CPQ: variants seen among roughly 807,000 people sequenced by gnomAD.
The protein encoded by CPQ is carboxypeptidase Q.
In CPQ, 37 loss-of-function variants were observed where a neutral mutation model predicts 45.7. That is an observed-to-expected ratio of 0.81 (90% CI 0.62 to 1.07). The LOEUF (loss-of-function observed/expected upper bound fraction) is 1.07. Ranked by LOEUF, CPQ falls within the 50% of genes least tolerant of loss-of-function variation. The pLI is 0.00. For synonymous variants in CPQ, 186 were observed against 205.8 expected (o/e 0.90, Z 0.82); for missense variants, 537 against 572.9 (o/e 0.94, Z 0.64).
intron 7 of CPQ, among the ~76,000 whole-genome samples, chr8:97,123,257 A>AAAATAAAATAAAATAAAATAAAATAAAAT (rs1811788880): frequency 6.8e-6 from 1 of 146,340 alleles, no homozygotes; most frequent in African/African-American, 2.5e-5. Context: ...AAATAAAAAT[A>AAAATAAAATAAAATAAAATAAAATAAAAT]AAATAAAATA....
At chr8:97,141,157 A>T (rs1235258239) in intron 7 of CPQ, among the ~76,000 whole-genome samples, 1 of 152,136 alleles carries the variant, frequency 6.6e-6, no homozygotes, top group Non-Finnish European at 1.5e-5. Flanking sequence ...AGACATAAAC[A>T]GTATGGATCT....
At chr8:96,688,025 C>T (rs893578577) in intron 1 of CPQ, among the ~76,000 whole-genome samples, 1 of 151,772 alleles carries the variant, frequency 6.6e-6, no homozygotes, top group Admixed American at 6.6e-5. Flanking sequence ...TCTGTCATGT[C>T]CTGAGAGAAA....
intron 4 of CPQ, among the ~76,000 whole-genome samples, chr8:96,884,988 T>C (rs564235687): frequency 8.5e-5 from 13 of 152,152 alleles, no homozygotes; most frequent in Non-Finnish European, 1.8e-4. Context: ...GCAAATATCT[T>C]TGGAGACTTG....
chr8:96,766,999 A>T lies in CPQ; in HGVS notation c.-34-17865A>T, dbSNP rs138027987. 4.8e-3 allele frequency among the ~76,000 whole-genome samples: 730 copies of T among 152,092 alleles called. 11 individuals are homozygous for T. The highest frequency in any genetic ancestry group is 0.012 in the African/African-American group (516 of 41,480). On this transcript the variant is annotated intron_variant, in intron 1 of 7. Coordinates refer to ENST00000220763, the MANE Select transcript of CPQ (RefSeq NM_016134.4). ...GTTGCAAATCCACCTAACCGTCAGA[A>T]TTTTTTCCTGCACAGCTGTCACAAC...
chr8:97,068,630 T>C (rs937350216), intron 7 of CPQ, among the ~76,000 whole-genome samples: 9 of 152,138 alleles, frequency 5.9e-5, no homozygotes, highest in African/African-American at 1.9e-4. Flanking sequence ...TGAAACTCCA[T>C]CTGAAAACAA....
intron 2 of CPQ, among the ~76,000 whole-genome samples, chr8:96,824,587 A>G (rs1029712787): frequency 2.0e-5 from 3 of 152,060 alleles, no homozygotes; most frequent in African/African-American, 7.2e-5. Context: ...AATTGTATAG[A>G]TAGAATAGTG....
Position 96,663,602 on chromosome 8 carries a change from G to A in CPQ, c.-35+18200G>A, listed in dbSNP as rs566315543. On this transcript the variant is annotated intron_variant, in intron 1 of 7. Transcript: ENST00000220763. The stretch of plus-strand genomic sequence containing the variant: ...GAAAATCTTTAGTTTCTTTTGCACA[G>A]TTGTAAACCGTTTGTGCTTAAAAAA... Among the ~76,000 whole-genome samples the A allele has an allele frequency of 2.0e-5, 3 of 152,338 alleles. No homozygotes were observed. The East Asian group carries it at 5.8e-4, about 29-fold the overall frequency.
intron 4 of CPQ, among the ~76,000 whole-genome samples, chr8:96,891,424 A>C (rs1812374762): frequency 6.6e-6 from 1 of 152,220 alleles, no homozygotes; most frequent in Non-Finnish European, 1.5e-5. Flanking sequence ...GGCACTCAGC[A>C]GTGGCTGTAG....
At chr8:96,652,991 G>T (rs1473002988) in intron 1 of CPQ, among the ~76,000 whole-genome samples, 1 of 152,168 alleles carries the variant, frequency 6.6e-6, no homozygotes, top group East Asian at 1.9e-4. Context: ...GAGTACAGGG[G>T]CGTGATCTTG....
At chr8:96,989,509 A>AGGAGC (rs1809053722) in intron 5 of CPQ, among the ~76,000 whole-genome samples, 2 of 146,794 alleles carry the variant, frequency 1.4e-5, no homozygotes, top group African/African-American at 5.1e-5. Flanking sequence ...AGGAGAGGAG[A>AGGAGC]GGAGCGGAGA....
intron 1 of CPQ, among the ~76,000 whole-genome samples, chr8:96,685,742 T>G (rs1415256047): frequency 1.3e-5 from 2 of 152,154 alleles, no homozygotes; most frequent in Admixed American, 1.3e-4. Flanking sequence ...AATCAATTTC[T>G]TTTGTTTCAA....
intron 7 of CPQ, among the ~76,000 whole-genome samples, chr8:97,109,841 C>T (rs907413642): frequency 2.0e-5 from 3 of 152,104 alleles, no homozygotes; most frequent in African/African-American, 4.8e-5. Flanking sequence ...ATGCACATCC[C>T]CAGCTCCCTA....
rs150533224 is a variant in CPQ at position 97,108,163 on chromosome 8, T to C, written c.1256-34857T>C. On this transcript the variant is annotated intron_variant, in intron 7 of 7. Transcript: ENST00000220763. ...TTAATTTCTATGTAAGTCTCACTAA[T>C]AATGCACTGTTTTTAAGTATATAAA... 5.0e-3 allele frequency among the ~76,000 whole-genome samples: 762 copies of C among 152,358 alleles called. 5 individuals carry two copies. The highest frequency in any genetic ancestry group is 0.018 in the African/African-American group (734 of 41,584).
At chr8:96,766,987 C>G (rs1404189378) in intron 1 of CPQ, among the ~76,000 whole-genome samples, 2 of 152,110 alleles carry the variant, frequency 1.3e-5, no homozygotes, top group Admixed American at 6.6e-5. Flanking sequence ...GCAAATCCAC[C>G]TAACCGTCAG....
chr8:96,876,305 A>G (rs1296269135), intron 3 of CPQ, among the ~76,000 whole-genome samples: 1 of 152,226 alleles, frequency 6.6e-6, no homozygotes, highest in Admixed American at 6.5e-5. Context: ...ATATAAAACT[A>G]AAGAATTAGT....
At chr8:96,770,227 C>G (rs993234958) in intron 1 of CPQ, among the ~76,000 whole-genome samples, 2 of 152,012 alleles carry the variant, frequency 1.3e-5, no homozygotes, top group Non-Finnish European at 2.9e-5. Context: ...GGACTTCTCT[C>G]AGCAGGTTGT....
chr8:96,854,147 C>A (rs1161499454), intron 3 of CPQ, among the ~76,000 whole-genome samples: 1 of 152,110 alleles, frequency 6.6e-6, no homozygotes, highest in African/African-American at 2.4e-5. Flanking sequence ...GAAGTGTAAC[C>A]ACAAAGCTGG....
chr8:97,070,951 T>G (rs1042193329), intron 7 of CPQ, among the ~76,000 whole-genome samples: 1 of 152,178 alleles, frequency 6.6e-6, no homozygotes, highest in African/African-American at 2.4e-5. Context: ...CCTTCTTGAA[T>G]ATATTTCTTC....
chr8:96,935,497 T>C (rs1813033471), intron 4 of CPQ, among the ~76,000 whole-genome samples: 1 of 152,170 alleles, frequency 6.6e-6, no homozygotes, highest in Non-Finnish European at 1.5e-5. Flanking sequence ...CCCAAGAGGT[T>C]ACCAGGTTTC....
Sources: allele counts gnomAD v4.1 joint callset (sites outside exome capture counted in the v4.1 genomes callset), GRCh38; gene constraint gnomAD v4.1.1; transcripts MANE v1.5; gene names NCBI Gene and HGNC (gene_info 2026-07-23, HGNC 2026-07-21).